The following THSD7B variants were observed in gnomAD, a reference collection of about 807,000 sequenced individuals.
THSD7B encodes the protein thrombospondin type-1 domain-containing protein 7B.
A neutral mutation model predicts 213.6 loss-of-function variants in THSD7B; 138 were observed. The observed-to-expected ratio is 0.65, with a 90% CI of 0.56 to 0.74. THSD7B has a LOEUF of 0.74. THSD7B is among the 30% of genes least tolerant of loss of function. THSD7B has a pLI of 0.00. For synonymous variants in THSD7B, 742 were observed against 687.0 expected (o/e 1.08, Z -1.25); for missense variants, 1,931 against 1,991.5 (o/e 0.97, Z 0.58).
At chr2:136,813,568 C>T (rs1682420107) in intron 1 of THSD7B, among the ~76,000 whole-genome samples, 1 of 152,160 alleles carries the variant, frequency 6.6e-6, no homozygotes, top group African/African-American at 2.4e-5. Context: ...ACTCATACAA[C>T]TTTGAACTTC....
intron 10 of THSD7B, 91 bp downstream of exon 10, chr2:137,242,663 C>CTTT: frequency 1.7e-5 from 11 of 649,838 alleles, no homozygotes; most frequent in South Asian, 7.2e-5. Context: ...ATGTGAGCAC[C>CTTT]TTTTTTTTTT....
At chr2:137,210,880 A>G (rs1194941901) in intron 7 of THSD7B, among the ~76,000 whole-genome samples, 2 of 151,994 alleles carry the variant, frequency 1.3e-5, no homozygotes, top group Non-Finnish European at 2.9e-5. Flanking sequence ...TGAATGTCAT[A>G]TGGCTTTTGA....
chr2:137,012,712 A>G (rs1049700456), intron 2 of THSD7B, among the ~76,000 whole-genome samples: 14 of 152,232 alleles, frequency 9.2e-5, no homozygotes, highest in Non-Finnish European at 2.1e-4. Flanking sequence ...TTCACATCAC[A>G]TGTGGGCAGC....
chr2:137,669,375 T>TAACA (rs1683516141), intron 27 of THSD7B, among the ~76,000 whole-genome samples: 1 of 148,144 alleles, frequency 6.8e-6, no homozygotes, highest in South Asian at 2.1e-4. Context: ...TCTATCCAAC[T>TAACA]AACATTTCCC....
chr2:137,255,503 G>A (rs12618360), intron 10 of THSD7B, among the ~76,000 whole-genome samples: 4,100 of 152,160 alleles, frequency 0.027, 108 homozygotes, highest in Middle Eastern at 0.095. Flanking sequence ...TCACATGGAA[G>A]GCATCATTAA....
chr2:137,634,236 G>C lies in THSD7B; in HGVS notation c.3800-8252G>C, dbSNP rs77654645. Among the ~76,000 whole-genome samples, 243 of 152,230 alleles carry C rather than the reference G, an allele frequency of 1.6e-3. 5 individuals carry two copies. The East Asian group carries it at 0.042, about 27-fold the overall frequency. ...CCCTTCTAGATGTTGGTTTCTGGGTGATCATTTTCTGCCAATGATTGTGCA... is the reference window on the plus strand; with the variant it reads ...CCCTTCTAGATGTTGGTTTCTGGGTCATCATTTTCTGCCAATGATTGTGCA... On this transcript the variant is annotated intron_variant, in intron 20 of 27. Coordinates refer to ENST00000409968, the MANE Select transcript of THSD7B (RefSeq NM_001316349.2).
intron 2 of THSD7B, among the ~76,000 whole-genome samples, chr2:136,976,986 T>C (rs1006913796): frequency 1.3e-5 from 2 of 152,204 alleles, no homozygotes; most frequent in African/African-American, 4.8e-5. Flanking sequence ...TCTCATAAAA[T>C]GAGTTAGGGG....
intron 1 of THSD7B, among the ~76,000 whole-genome samples, chr2:136,810,255 A>G (rs1406406938): frequency 1.3e-5 from 2 of 152,204 alleles, no homozygotes; most frequent in Non-Finnish European, 2.9e-5. Context: ...TGCATTTTCC[A>G]GAGAGTAGTC....
At chr2:137,038,799 C>T (rs1686824713) in intron 2 of THSD7B, among the ~76,000 whole-genome samples, 1 of 152,300 alleles carries the variant, frequency 6.6e-6, no homozygotes, top group South Asian at 2.1e-4. Flanking sequence ...GCTGTCAACA[C>T]TGTTGTGAAG....
chr2:137,586,683 T>A (rs984540686), intron 17 of THSD7B, among the ~76,000 whole-genome samples: 14 of 152,236 alleles, frequency 9.2e-5, no homozygotes, highest in African/African-American at 3.4e-4. Flanking sequence ...TTCTGGCTTG[T>A]AGAGTTTCTG....
chr2:136,823,438 C>T (rs1264510731), intron 1 of THSD7B, among the ~76,000 whole-genome samples: 2 of 152,188 alleles, frequency 1.3e-5, no homozygotes, highest in African/African-American at 4.8e-5. Context: ...CGACGCAAGA[C>T]GGACTCCTTA....
intron 2 of THSD7B, among the ~76,000 whole-genome samples, chr2:136,887,105 A>G (rs979200249): frequency 2.0e-5 from 3 of 152,196 alleles, no homozygotes; most frequent in Non-Finnish European, 4.4e-5. Context: ...CATAAACTTT[A>G]CCATTTTAAC....
intron 2 of THSD7B, among the ~76,000 whole-genome samples, chr2:136,890,375 T>C (rs1558839967): frequency 5.7e-3 from 19 of 3,354 alleles, no homozygotes; most frequent in South Asian, 0.028. Flanking sequence ...TTCTTCTTCT[T>C]CCTCTTCCTC....
chr2:137,062,412 G>T (rs116578078), intron 3 of THSD7B, among the ~76,000 whole-genome samples: 8 of 151,298 alleles, frequency 5.3e-5, no homozygotes, highest in African/African-American at 1.9e-4. Flanking sequence ...AGTTTCCTAA[G>T]GTGGAAACTT....
chr2:136,843,220 G>A (rs1401653468), intron 1 of THSD7B, among the ~76,000 whole-genome samples: 1 of 151,848 alleles, frequency 6.6e-6, no homozygotes, highest in Non-Finnish European at 1.5e-5. Flanking sequence ...TTGGAAGTAA[G>A]GCAATGTCCC....
chr2:137,029,966 A>G (rs898656509), intron 2 of THSD7B, among the ~76,000 whole-genome samples: 3 of 152,146 alleles, frequency 2.0e-5, no homozygotes, highest in African/African-American at 7.2e-5. Flanking sequence ...TATTGGTCAT[A>G]TATTTGTGAT....
chr2:137,091,520 T>TATTCATTC (rs141548086), intron 3 of THSD7B, among the ~76,000 whole-genome samples: 17 of 151,728 alleles, frequency 1.1e-4, no homozygotes, highest in Non-Finnish European at 1.6e-4. Flanking sequence ...TATTTTATTT[T>TATTCATTC]ATTCATTCAT....
intron 12 of THSD7B, among the ~76,000 whole-genome samples, chr2:137,336,469 A>G (rs1435930378): frequency 6.6e-6 from 1 of 152,198 alleles, no homozygotes; most frequent in African/African-American, 2.4e-5. Flanking sequence ...TTGCATCAGA[A>G]GATAATTTAC....
chr2:137,238,254 G>A (rs910536133), intron 9 of THSD7B, among the ~76,000 whole-genome samples: 1 of 152,158 alleles, frequency 6.6e-6, no homozygotes, highest in African/African-American at 2.4e-5. Flanking sequence ...GTGAATGTTC[G>A]AGTGTTGGGT....
Sources: gnomAD v4.1 joint callset for allele counts (sites outside exome capture counted in the v4.1 genomes callset) on GRCh38, gnomAD v4.1.1 for gene constraint, MANE v1.5 for transcripts, NCBI Gene and HGNC (gene_info 2026-07-23, HGNC 2026-07-21) for gene names.